GFI1B: variants seen among roughly 807,000 people sequenced by gnomAD.
The protein encoded by GFI1B is zinc finger protein Gfi-1b.
A neutral mutation model predicts 35.3 loss-of-function variants in GFI1B; 20 were observed. The ratio of observed to expected loss-of-function variants is 0.57; its 90% CI spans 0.40 to 0.82. The LOEUF (loss-of-function observed/expected upper bound fraction) is 0.82, where lower values mean the gene tolerates loss of function less well. Among genes scored for constraint, GFI1B ranks in the 40% least tolerant of loss-of-function variants. The pLI is 0.00. For missense variants in GFI1B, 430 were observed against 446.3 expected (o/e 0.96, Z 0.33); for synonymous variants, 178 against 177.6 (o/e 1.00, Z -0.02).
intron 1 of GFI1B, among the ~76,000 whole-genome samples, chr9:132,951,007 A>T (rs898679382): frequency 6.6e-6 from 1 of 151,446 alleles, no homozygotes; most frequent in African/African-American, 2.4e-5. Flanking sequence ...CCAGCTAATT[A>T]TTTTATTTTA....
At chr9:132,981,784 G>T (rs546359771) in intron 1 of GFI1B, among the ~76,000 whole-genome samples, 1 of 151,214 alleles carries the variant, frequency 6.6e-6, no homozygotes, top group African/African-American at 2.4e-5. Context: ...ACAGAGTCTC[G>T]CTGTGTCACC....
upstream of GFI1B, among the ~76,000 whole-genome samples, chr9:132,977,347 G>C (rs575114856): frequency 6.6e-6 from 1 of 152,166 alleles, no homozygotes; most frequent in East Asian, 1.9e-4. Context: ...CCTGGGGCTG[G>C]GACTGACACC....
chr9:132,968,234 A>G (rs1167454661), intron 1 of GFI1B, among the ~76,000 whole-genome samples: 1 of 151,880 alleles, frequency 6.6e-6, no homozygotes, highest in Non-Finnish European at 1.5e-5. Flanking sequence ...TCTCCTCAGC[A>G]TGCTGAGTAG....
At chr9:132,961,684 C>T (rs1268177492) in intron 1 of GFI1B, among the ~76,000 whole-genome samples, 6 of 151,784 alleles carry the variant, frequency 4.0e-5, no homozygotes, top group East Asian at 1.9e-4. Context: ...CTCTGCCTCC[C>T]GGGTTCACGC....
chr9:132,975,622 C>T (rs536643685), upstream of GFI1B, among the ~76,000 whole-genome samples: 13 of 152,260 alleles, frequency 8.5e-5, no homozygotes, highest in African/African-American at 2.4e-4. Context: ...ATGAAAAGTC[C>T]GGCTGTTTTT....
chr9:132,966,518 G>A (rs1848453141), intron 1 of GFI1B, among the ~76,000 whole-genome samples: 1 of 152,198 alleles, frequency 6.6e-6, no homozygotes, highest in African/African-American at 2.4e-5. Flanking sequence ...ATGAGAGAAA[G>A]CTCTTCTTTA....
At chr9:132,990,801 G>A (rs796208114) in intron 6 of GFI1B, 71 bp from the exon 7 acceptor site, 3 of 1,421,138 alleles carry the variant, frequency 2.1e-6, no homozygotes, top group Admixed American at 3.4e-5. Flanking sequence ...CGGGGGCAGG[G>A]CAGGGGAGCA....
At chr9:132,978,179 AGAG>A (rs1472524737), upstream of GFI1B, among the ~76,000 whole-genome samples, 2 of 142,364 alleles carry the variant, frequency 1.4e-5, no homozygotes, top group Non-Finnish European at 3.1e-5. Flanking sequence ...GAGAGAGAGG[AGAG>A]GAGGAGAAGG....
At chr9:132,968,414 G>A (rs559291845) in intron 1 of GFI1B, among the ~76,000 whole-genome samples, 2 of 152,194 alleles carry the variant, frequency 1.3e-5, no homozygotes, top group African/African-American at 4.8e-5. Context: ...GAGCCACTAT[G>A]CCTGGGCTGC....
chr9:132,981,877 C>G (rs556835474), intron 1 of GFI1B, among the ~76,000 whole-genome samples: 1 of 152,102 alleles, frequency 6.6e-6, no homozygotes, highest in Non-Finnish European at 1.5e-5. Context: ...CTCAGCCTCC[C>G]GAGTAGCTGG....
In GFI1B at chr9:132,955,807, C is replaced by CGT. The variant is rs1491095156; in HGVS notation, c.-701+10138_-701+10139insGT. Among the ~76,000 whole-genome samples, 472 of 84,934 alleles carry CGT rather than the reference C, an allele frequency of 5.6e-3. 4 individuals carry two copies. The highest frequency in any genetic ancestry group is 0.016 in the African/African-American group (442 of 28,156). 55.7% of individuals were successfully genotyped at this position (84,934 alleles called of 152,430 possible). A position where few individuals can be genotyped will look rare whatever the true frequency, so the allele number is the denominator to read the frequency against. On this transcript the variant is annotated intron_variant, in intron 1 of 10. Transcript: ENST00000339463. ...CCAACGTGATGTGTGTGTGTGTGTG[C>CGT]ATGTGTGTGTGTGTGTGTGTGTGTG...
chr9:132,989,738 G>A lies in GFI1B; in HGVS notation c.649-4G>A. 2 of 1,613,514 alleles carry A rather than the reference G, an allele frequency of 1.2e-6. No homozygotes were observed. Among genetic ancestry groups the A allele is most frequent in the Non-Finnish European group, 1.7e-6 (2 of 1,179,596 alleles). On this transcript the variant is annotated splice_region_variant and splice_polypyrimidine_tract_variant and intron_variant, in intron 5 of 6. Transcript: ENST00000372122. The surrounding 1 kb of genome is among the most constrained non-coding windows in gnomAD (Gnocchi z 6.2). Reference sequence around the variant, plus strand: ...ACCCCCCGGGGCCTCATTTCCTCCGGCAGGAGCGCAGCTTCGAGTGCCGCA... The same window carrying A: ...ACCCCCCGGGGCCTCATTTCCTCCGACAGGAGCGCAGCTTCGAGTGCCGCA...
At chr9:132,949,123 C>G (rs952671708) in intron 1 of GFI1B, among the ~76,000 whole-genome samples, 4 of 152,184 alleles carry the variant, frequency 2.6e-5, no homozygotes, top group Non-Finnish European at 4.4e-5. Flanking sequence ...CCTCTTTTTT[C>G]TCTGAAGCTG....
intron 1 of GFI1B, among the ~76,000 whole-genome samples, chr9:132,968,381 C>T (rs1363152548): frequency 6.6e-6 from 1 of 152,058 alleles, no homozygotes; most frequent in African/African-American, 2.4e-5. Flanking sequence ...TTCAGCCTCC[C>T]AGAGTGCTGG....
chr9:132,948,833 T>G (rs369901773), intron 1 of GFI1B, among the ~76,000 whole-genome samples: 9 of 152,356 alleles, frequency 5.9e-5, no homozygotes, highest in African/African-American at 2.2e-4. Context: ...CTCTGCAGCC[T>G]GTGCTGGTCA....
intron 1 of GFI1B, among the ~76,000 whole-genome samples, chr9:132,954,424 A>C (rs1257939756): frequency 6.6e-6 from 1 of 151,820 alleles, no homozygotes; most frequent in Admixed American, 6.6e-5. Flanking sequence ...AAAATACAAA[A>C]ATTAGCCAGA....
At chr9:132,970,024 C>A (rs544931846) in intron 1 of GFI1B, among the ~76,000 whole-genome samples, 1 of 152,142 alleles carries the variant, frequency 6.6e-6, no homozygotes. Flanking sequence ...ACCTCAGCCT[C>A]CCGCCTTCCA....
intron 1 of GFI1B, among the ~76,000 whole-genome samples, chr9:132,969,686 A>T (rs1848503963): frequency 6.6e-6 from 1 of 152,122 alleles, no homozygotes; most frequent in Admixed American, 6.6e-5. Flanking sequence ...ATGATTTGTA[A>T]AGGACTCTTT....
chr9:132,979,229 C>G (rs1443183803), intron 1 of GFI1B, among the ~76,000 whole-genome samples: 4 of 143,234 alleles, frequency 2.8e-5, no homozygotes, highest in African/African-American at 5.1e-5. Context: ...AGGGACTTGA[C>G]TAAAGTTCCT....
Sources: allele counts gnomAD v4.1 joint callset (sites outside exome capture counted in the v4.1 genomes callset), GRCh38; gene constraint gnomAD v4.1.1; non-coding constraint Gnocchi (gnomAD v3.1); transcripts MANE v1.5; gene names NCBI Gene and HGNC (gene_info 2026-07-23, HGNC 2026-07-21).